The following GNB4 variants were observed in gnomAD, a reference collection of about 807,000 sequenced individuals.
The protein encoded by GNB4 is G protein subunit beta 4, also known as guanine nucleotide-binding protein subunit beta-4.
A neutral mutation model predicts 45.2 loss-of-function variants in GNB4; 28 were observed. The ratio of observed to expected loss-of-function variants is 0.62; its 90% CI spans 0.46 to 0.85. GNB4 has a LOEUF of 0.85. Ranked by LOEUF, GNB4 falls within the 40% of genes least tolerant of loss-of-function variation. The pLI, the probability that GNB4 is intolerant of heterozygous loss-of-function variation, is 0.00. For synonymous variants in GNB4, 132 were observed against 143.7 expected, an observed-to-expected ratio of 0.92 and a Z score of 0.58; for missense variants, 321 against 425.4, an observed-to-expected ratio of 0.75 and a Z score of 2.16.
At chr3:179,449,150 C>A (rs1577042885) in intron 1 of GNB4, among the ~76,000 whole-genome samples, 1 of 152,076 alleles carries the variant, frequency 6.6e-6, no homozygotes, top group South Asian at 2.1e-4. Context: ...CAAAATTGAC[C>A]GCAATCCTGT....
At chr3:179,480,037 A>G in the GNB4 span, among the ~76,000 whole-genome samples, 2 of 152,230 alleles carry the variant, frequency 1.3e-5, no homozygotes, top group African/African-American at 2.4e-5. Context: ...TGATGTCACT[A>G]TCACAAGAAT....
At chr3:179,409,828 C>CA (rs200859882) in intron 8 of GNB4, among the ~76,000 whole-genome samples, 7 of 111,436 alleles carry the variant, frequency 6.3e-5, no homozygotes, top group African/African-American at 2.1e-4. Context: ...AACAAAAAAA[C>CA]AAAACAAAAA....
the GNB4 span, among the ~76,000 whole-genome samples, chr3:179,468,035 A>AAAAAAATATATATAT: frequency 8.8e-4 from 79 of 89,838 alleles, 7 homozygotes; most frequent in East Asian, 0.012. Flanking sequence ...TGTTGATAAA[A>AAAAAAATATATATAT]ATATATATAT....
At chr3:179,402,635 G>A (rs892452324) in intron 9 of GNB4, among the ~76,000 whole-genome samples, 8 of 152,292 alleles carry the variant, frequency 5.3e-5, no homozygotes, top group East Asian at 1.9e-4. Flanking sequence ...ACGAACTTTC[G>A]TAAGCTGGAT....
At chr3:179,517,907 C>G in the GNB4 span, among the ~76,000 whole-genome samples, 1 of 152,144 alleles carries the variant, frequency 6.6e-6, no homozygotes, top group Non-Finnish European at 1.5e-5. Context: ...CATGTGGGGA[C>G]GCCTGCCTTG....
chr3:179,522,963 A>C, the GNB4 span, among the ~76,000 whole-genome samples: 380 of 151,570 alleles, frequency 2.5e-3, 2 homozygotes, highest in African/African-American at 8.9e-3. Flanking sequence ...CTAGTGTGAG[A>C]GTAGCTTTTA....
At chr3:179,504,745 G>A in the GNB4 span, among the ~76,000 whole-genome samples, 2 of 152,186 alleles carry the variant, frequency 1.3e-5, no homozygotes, top group African/African-American at 4.8e-5. Flanking sequence ...GTAAAAGTCT[G>A]AGTATTTCTA....
the GNB4 span, among the ~76,000 whole-genome samples, chr3:179,480,841 ATT>A: frequency 6.7e-3 from 922 of 136,648 alleles, 7 homozygotes; most frequent in Non-Finnish European, 0.011. Flanking sequence ...AACTGATTTC[ATT>A]TTTTTTTTTT....
intron 5 of GNB4, among the ~76,000 whole-genome samples, chr3:179,415,980 CTA>C (rs144980890): frequency 0.17 from 26,141 of 151,922 alleles, 2,324 homozygotes; most frequent in Admixed American, 0.23. Flanking sequence ...CACCACTCAA[CTA>C]TTTTAAACTG....
the GNB4 span, among the ~76,000 whole-genome samples, chr3:179,466,076 T>C: frequency 6.8e-6 from 1 of 147,986 alleles, no homozygotes; most frequent in African/African-American, 2.5e-5. Flanking sequence ...AGTGGCGTGA[T>C]CTCGGGTCAC....
chr3:179,418,524 T>A lies in GNB4; in HGVS notation c.203+875A>T, dbSNP rs561069476. ...AAGAAAAAGAAAAAGATTAAGACAT[T>A]ATGTCAGTTGCCAATTATATAATTT... On this transcript the variant is annotated intron_variant, in intron 4 of 9. Coordinates refer to ENST00000232564, the MANE Select transcript of GNB4 (RefSeq NM_021629.4). 5.3e-5 allele frequency among the ~76,000 whole-genome samples: 8 copies of A among 151,238 alleles called. No homozygotes were observed. In the East Asian group the frequency reaches 1.4e-3, roughly 26 times the overall value.
the GNB4 span, among the ~76,000 whole-genome samples, chr3:179,524,683 C>T: frequency 6.6e-6 from 1 of 151,978 alleles, no homozygotes; most frequent in East Asian, 1.9e-4. Context: ...GGGCCTAGGG[C>T]TGTAAAGTGT....
Position 179,419,462 on chromosome 3 carries a change from G to A in GNB4, c.140C>T (p.Thr47Ile). The change falls in exon 4 of 10, where the codon ACA becomes ATA. Residue 47 changes from threonine to isoleucine, a missense_variant. Physicochemically the swap from Thr to Ile is moderately conservative, Grantham distance 89 (BLOSUM62 -1). Transcript: ENST00000232564. ...TAGGTGGCCCCTCAGTGTACGTCTT[G>A]TTCGCATTTGTATTCGACCCACAGA... is the stretch of plus-strand genomic sequence containing the variant. ...MDSVGRIQMR[T>I]RRTLRGHLAK... is the part of the protein sequence containing the mutation. The A allele has an allele frequency of 6.2e-7, 1 of 1,613,012 alleles. No individual in the cohort carries two copies. The highest frequency in any genetic ancestry group is 1.1e-5 in the South Asian group (1 of 91,054).
intron 2 of GNB4, among the ~76,000 whole-genome samples, chr3:179,424,149 T>C (rs894866599): frequency 6.6e-6 from 1 of 152,240 alleles, no homozygotes; most frequent in Non-Finnish European, 1.5e-5. Context: ...TGGCAACTTA[T>C]TTAATCTCAC....
At chr3:179,440,024 A>T (rs762398277) in intron 1 of GNB4, among the ~76,000 whole-genome samples, 3 of 152,196 alleles carry the variant, frequency 2.0e-5, no homozygotes, top group Non-Finnish European at 2.9e-5. Flanking sequence ...AAGATTTTGA[A>T]TTTTTTTCTA....
the GNB4 span, among the ~76,000 whole-genome samples, chr3:179,470,888 A>T: frequency 1.3e-5 from 2 of 152,218 alleles, no homozygotes; most frequent in African/African-American, 4.8e-5. Flanking sequence ...AAAGTAAAAA[A>T]GTTACAGTAG....
At chr3:179,490,248 T>A in the GNB4 span, among the ~76,000 whole-genome samples, 2 of 152,214 alleles carry the variant, frequency 1.3e-5, no homozygotes, top group Non-Finnish European at 2.9e-5. Context: ...TCCCCTAACC[T>A]GAACTCAAGA....
At chr3:179,434,267 C>T (rs186559477) in intron 1 of GNB4, among the ~76,000 whole-genome samples, 24 of 152,172 alleles carry the variant, frequency 1.6e-4, no homozygotes, top group Admixed American at 1.4e-3. Context: ...AATTATCATA[C>T]AGCAGTGAAA....
upstream of GNB4, among the ~76,000 whole-genome samples, chr3:179,453,082 G>A (rs1031848692): frequency 1.3e-5 from 2 of 152,128 alleles, no homozygotes; most frequent in African/African-American, 4.8e-5. Flanking sequence ...GAAGGTATTG[G>A]TAGAGCCCTG....
Sources: allele counts gnomAD v4.1 joint callset (sites outside exome capture counted in the v4.1 genomes callset), GRCh38; gene constraint gnomAD v4.1.1; transcripts MANE v1.5; gene names NCBI Gene and HGNC (gene_info 2026-07-23, HGNC 2026-07-21).